The following CASZ1 variants were observed in gnomAD, a reference collection of about 807,000 sequenced individuals.
CASZ1 encodes the protein zinc finger protein castor homolog 1.
A neutral mutation model predicts 135.2 loss-of-function variants in CASZ1; 28 were observed. The observed-to-expected ratio is 0.21, with a 90% CI of 0.15 to 0.28. The LOEUF is 0.28. Among genes scored for constraint, CASZ1 ranks in the 10% least tolerant of loss-of-function variants. The pLI, the probability that CASZ1 is intolerant of heterozygous loss-of-function variation, is 1.00. For synonymous variants in CASZ1, 1,068 were observed against 1,073.4 expected (o/e 0.99, Z 0.10); for missense variants, 2,161 against 2,453.3 (o/e 0.88, Z 2.52).
rs2100445115 is a variant in CASZ1 at position 10,706,063 on chromosome 1, G to A, written c.-76-519C>T. Among the ~76,000 whole-genome samples the A allele has an allele frequency of 1.3e-5, 2 of 152,354 alleles. No homozygotes were observed. The highest frequency in any genetic ancestry group is 1.3e-4 in the Admixed American group (2 of 15,312). On this transcript the variant is annotated intron_variant, in intron 2 of 20. Transcript: ENST00000377022. This position sits in a 1 kb window ranked among gnomAD's most constrained non-coding sequence, Gnocchi z 4.3. ...GTTGGTGACAGAGGGGCAAGGGCGG[G>A]CCAGGGGCCAAGGCATCAGGAAGCC...
chr1:10,694,925 G>T lies in CASZ1; in HGVS notation c.-23-1013C>A, dbSNP rs1018524310. Among the ~76,000 whole-genome samples, 49 of 143,934 alleles carry T rather than the reference G, an allele frequency of 3.4e-4. No homozygotes were observed. Among genetic ancestry groups the T allele is most frequent in the Non-Finnish European group, 4.3e-4 (28 of 64,880 alleles). The allele number at this position is 143,934 out of a possible 152,430, so 94.4% of individuals were successfully genotyped here. ...CGCGCGCGCTCGCATGCTGCCAGCG[G>T]CCGCTCGGGCCCCGCGAGCGCGACC... On this transcript the variant is annotated intron_variant, in intron 3 of 20. Transcript: ENST00000377022. This position sits in a 1 kb window ranked among gnomAD's most constrained non-coding sequence, Gnocchi z 6.6.
At chr1:10,791,081 CA>C (rs61062042) in intron 1 of CASZ1, among the ~76,000 whole-genome samples, 24,861 of 121,092 alleles carry the variant, frequency 0.21, 2,861 homozygotes, top group East Asian at 0.37. Context: ...CTCTTCCCAT[CA>C]AAAAAAAAAA....
chr1:10,675,091 A>G (rs908109533), intron 4 of CASZ1, among the ~76,000 whole-genome samples: 1 of 152,184 alleles, frequency 6.6e-6, no homozygotes, highest in Non-Finnish European at 1.5e-5. Context: ...ATAAAGGGTT[A>G]TATTACACCC....
intron 2 of CASZ1, among the ~76,000 whole-genome samples, chr1:10,716,466 G>A (rs1349438737): frequency 6.6e-6 from 1 of 152,246 alleles, no homozygotes; most frequent in Non-Finnish European, 1.5e-5. Context: ...AAGATTCATG[G>A]GGAGCAGTGG....
At chr1:10,796,326 G>T (rs1032787382) in intron 1 of CASZ1, among the ~76,000 whole-genome samples, 21 of 152,138 alleles carry the variant, frequency 1.4e-4, no homozygotes, top group African/African-American at 4.8e-4. Context: ...CCGCGCCCGG[G>T]TGCCAGCCCT....
In CASZ1 at chr1:10,664,995, G is replaced by A. The variant is rs1351996629; in HGVS notation, c.505+88C>T. 5 of 1,374,800 alleles carry A rather than the reference G, an allele frequency of 3.6e-6. No homozygotes were observed. The African/African-American group carries it at 4.4e-5, about 12-fold the overall frequency. The allele number at this position is 1,374,800 out of a possible 1,614,324, so 85.2% of individuals were successfully genotyped here. Reference sequence around the variant, plus strand: ...CCGGTATTTAGAGCAGGAGTGAGGAGTCGGGTGTGCTTACCAGACACACTG... The same window carrying A: ...CCGGTATTTAGAGCAGGAGTGAGGAATCGGGTGTGCTTACCAGACACACTG... On this transcript the variant is annotated intron_variant, in intron 5 of 20. Coordinates refer to ENST00000377022, the MANE Select transcript of CASZ1 (RefSeq NM_001079843.3).
At position 10,721,436 on chromosome 1, in the gene CASZ1, A is replaced by G. The variant is rs1471502034; in HGVS notation, c.-76-15892T>C. On this transcript the variant is annotated intron_variant, in intron 2 of 20. Coordinates refer to ENST00000377022, the MANE Select transcript of CASZ1 (RefSeq NM_001079843.3). This position sits in a 1 kb window ranked among gnomAD's most constrained non-coding sequence, Gnocchi z 5.4. ...TTGTGACATTCTGTCTGGGTGAGAGAAAACAAAAAAGGCCTGTTAACCAAA... is the reference window on the plus strand; with the variant it reads ...TTGTGACATTCTGTCTGGGTGAGAGGAAACAAAAAAGGCCTGTTAACCAAA... Among the ~76,000 whole-genome samples the G allele has an allele frequency of 6.6e-6, 1 of 152,236 alleles. No individual in the cohort carries two copies. Among genetic ancestry groups the G allele is most frequent in the Non-Finnish European group, 1.5e-5 (1 of 68,038 alleles).
Position 10,654,630 on chromosome 1 carries a change from A to G in CASZ1, c.1666-39T>C, listed in dbSNP as rs1248682507. 3 of 1,598,110 alleles carry G rather than the reference A, an allele frequency of 1.9e-6. No individual in the cohort carries two copies. In the African/African-American group the frequency reaches 4.0e-5, roughly 21 times the overall value. ...GATGGTGGTCAGGCGAACGGAGGCC[A>G]GGTGCTCCTGGGCCGAGGTCGACAC... On this transcript the variant is annotated intron_variant, in intron 9 of 20. Transcript: ENST00000377022.
At chr1:10,778,217 T>C (rs754277474) in intron 1 of CASZ1, among the ~76,000 whole-genome samples, 1 of 149,538 alleles carries the variant, frequency 6.7e-6, no homozygotes, top group African/African-American at 2.5e-5. Flanking sequence ...ACAACCACAA[T>C]CACAATCTCA....
chr1:10,706,670 C>T lies in CASZ1; in HGVS notation c.-76-1126G>A, dbSNP rs1055744480. Among the ~76,000 whole-genome samples, 8 of 152,110 alleles carry T rather than the reference C, an allele frequency of 5.3e-5. No individual in the cohort carries two copies. The highest frequency in any genetic ancestry group is 2.1e-4 in the South Asian group (1 of 4,818). On this transcript the variant is annotated intron_variant, in intron 2 of 20. Transcript: ENST00000377022. The surrounding 1 kb of genome is among the most constrained non-coding windows in gnomAD (Gnocchi z 4.3). ...TTGACACGTCCTCTTAAGGAGGGCTCGGCTCTCCACCAGCTTTCGCCGCTT... is the reference window on the plus strand; with the variant it reads ...TTGACACGTCCTCTTAAGGAGGGCTTGGCTCTCCACCAGCTTTCGCCGCTT...
chr1:10,716,305 G>A (rs1220073484), intron 2 of CASZ1, among the ~76,000 whole-genome samples: 2 of 151,660 alleles, frequency 1.3e-5, no homozygotes, highest in East Asian at 1.9e-4. Context: ...CACCCAATCC[G>A]CTCCCCATCC....
chr1:10,746,617 C>T (rs1034362865), intron 2 of CASZ1, among the ~76,000 whole-genome samples: 1 of 152,220 alleles, frequency 6.6e-6, no homozygotes, highest in African/African-American at 2.4e-5. Context: ...AGGTGCAGAA[C>T]CAAGACAGCA....
chr1:10,683,728 G>A (rs1638499636), intron 4 of CASZ1, among the ~76,000 whole-genome samples: 1 of 152,126 alleles, frequency 6.6e-6, no homozygotes, highest in Non-Finnish European at 1.5e-5. Flanking sequence ...GCGGACAGAT[G>A]GGAGCACTCG....
chr1:10,712,670 C>T (rs746785899), intron 2 of CASZ1, among the ~76,000 whole-genome samples: 19 of 152,188 alleles, frequency 1.2e-4, no homozygotes, highest in Non-Finnish European at 2.2e-4. Context: ...AGGGAGAGGA[C>T]GAGGCAGAAA....
intron 17 of CASZ1, among the ~76,000 whole-genome samples, chr1:10,645,556 A>G (rs1307893713): frequency 6.6e-6 from 1 of 152,166 alleles, no homozygotes; most frequent in Non-Finnish European, 1.5e-5. Flanking sequence ...GCCCTTAGTC[A>G]CTGCACTAAA....
At chr1:10,690,630 A>G (rs1469814303) in intron 4 of CASZ1, among the ~76,000 whole-genome samples, 4 of 152,082 alleles carry the variant, frequency 2.6e-5, no homozygotes, top group African/African-American at 9.7e-5. Flanking sequence ...CCTCGACGAC[A>G]AGGCTGCAGC....
chr1:10,679,755 C>G lies in CASZ1; in HGVS notation c.16+14119G>C, dbSNP rs772052731. Among the ~76,000 whole-genome samples the G allele has an allele frequency of 2.0e-5, 3 of 152,228 alleles. No homozygotes were observed. The highest frequency in any genetic ancestry group is 2.9e-5 in the Non-Finnish European group (2 of 68,042). Reference sequence around the variant, plus strand: ...CTTCAGGTTTTCCATACTACAACCCCGAGTGTCACCACAGGGTCCGGCCCA... The same window carrying G: ...CTTCAGGTTTTCCATACTACAACCCGGAGTGTCACCACAGGGTCCGGCCCA... On this transcript the variant is annotated intron_variant, in intron 4 of 20. Transcript: ENST00000377022. This position sits in a 1 kb window ranked among gnomAD's most constrained non-coding sequence, Gnocchi z 4.7.
chr1:10,766,884 A>G (rs1204076432), intron 1 of CASZ1, among the ~76,000 whole-genome samples: 2 of 152,170 alleles, frequency 1.3e-5, no homozygotes, highest in East Asian at 3.9e-4. Flanking sequence ...GGCCCAGCCA[A>G]GGTCACACAC....
chr1:10,738,253 C>G (rs936637380), intron 2 of CASZ1, among the ~76,000 whole-genome samples: 1 of 152,090 alleles, frequency 6.6e-6, no homozygotes, highest in South Asian at 2.1e-4. Context: ...GGAACAGGGC[C>G]GCCTGGGCCT....
Sources: allele counts gnomAD v4.1 joint callset (sites outside exome capture counted in the v4.1 genomes callset), GRCh38; gene constraint gnomAD v4.1.1; non-coding constraint Gnocchi (gnomAD v3.1); transcripts MANE v1.5; gene names NCBI Gene and HGNC (gene_info 2026-07-23, HGNC 2026-07-21).